PTCD2: variants seen among roughly 807,000 people sequenced by gnomAD.
The protein encoded by PTCD2 is pentatricopeptide repeat domain 2.
PTCD2 carries 31 observed loss-of-function variants against 42.6 expected under a neutral mutation model. The ratio of observed to expected loss-of-function variants is 0.73; its 90% CI spans 0.55 to 0.98. The LOEUF (loss-of-function observed/expected upper bound fraction) is 0.98, where lower values mean the gene tolerates loss of function less well. Ranked by LOEUF, PTCD2 falls within the 50% of genes least tolerant of loss-of-function variation. The pLI, the probability that PTCD2 is intolerant of heterozygous loss-of-function variation, is 0.00. For missense variants in PTCD2, 476 were observed against 454.8 expected (o/e 1.05, Z -0.42); for synonymous variants, 183 against 170.9 (o/e 1.07, Z -0.55).
intron 1 of PTCD2, 62 bp from the exon 2 acceptor site, chr5:72,322,110 G>T: frequency 1.2e-6 from 1 of 841,420 alleles, no homozygotes; most frequent in Non-Finnish European, 2.0e-6. Context: ...CTCTATTCAT[G>T]TTATTTGCTA....
At position 72,345,664 on chromosome 5, in the gene PTCD2, G is replaced by A. The variant is rs145510999; in HGVS notation, c.828+2628G>A. Among the ~76,000 whole-genome samples the A allele has an allele frequency of 6.8e-3, 1,042 of 152,292 alleles. 11 individuals carry two copies. The highest frequency in any genetic ancestry group is 0.027 in the East Asian group (140 of 5,186). ...TTCACAATTTATTTTCTTCTGCCAT[G>A]GCTTCAGCCAGTCCCTCCATTTGGG... On this transcript the variant is annotated intron_variant, in intron 8 of 9. Coordinates refer to ENST00000380639, the MANE Select transcript of PTCD2 (RefSeq NM_024754.5).
In PTCD2 at chr5:72,365,996, C is replaced by G. The variant is rs1045742466; in HGVS notation, c.*7569C>G. On this transcript the variant is annotated 3_prime_UTR_variant, in exon 10 of 10. Coordinates refer to ENST00000380639, the MANE Select transcript of PTCD2 (RefSeq NM_024754.5). ...AGGGAGGCCGAGGCAGGCAGATCAC[C>G]TGAGGTCAGGGGTTCTAGACCAGCC... 2.6e-5 allele frequency: 4 copies of G among 152,230 alleles called. No homozygotes were observed. Among genetic ancestry groups the G allele is most frequent in the African/African-American group, 9.7e-5 (4 of 41,436 alleles). 9.4% of individuals were successfully genotyped at this position (152,230 alleles called of 1,614,324 possible).
At position 72,322,272 on chromosome 5, in the gene PTCD2, A is replaced by G. The variant is rs1750903436; in HGVS notation, c.220+8A>G. On this transcript the variant is annotated splice_region_variant and intron_variant, in intron 2 of 9. Transcript: ENST00000380639. ...ATCTTTCTGGCACTAAAGGTAATAG[A>G]ATCTATTTTGTTAATTCTGTCATTT... The G allele has an allele frequency of 1.3e-6, 2 of 1,504,136 alleles. No individual in the cohort carries two copies. The highest frequency in any genetic ancestry group is 2.8e-5 in the African/African-American group (2 of 72,474). 93.2% of individuals were successfully genotyped at this position (1,504,136 alleles called of 1,614,324 possible). A position where few individuals can be genotyped will look rare whatever the true frequency, so the allele number is the denominator to read the frequency against.
chr5:72,342,536 GTC>G (rs2112189428), intron 7 of PTCD2, among the ~76,000 whole-genome samples: 1 of 152,298 alleles, frequency 6.6e-6, no homozygotes, highest in African/African-American at 2.4e-5. Flanking sequence ...ATAGAGCACT[GTC>G]TGCCTCTGAC....
chr5:72,322,705 G>A (rs1750924724), intron 2 of PTCD2, among the ~76,000 whole-genome samples: 2 of 152,154 alleles, frequency 1.3e-5, no homozygotes, highest in South Asian at 4.1e-4. Context: ...ATTTTATGTT[G>A]CATCTCAGTA....
intron 2 of PTCD2, among the ~76,000 whole-genome samples, chr5:72,324,461 G>A (rs1751032218): frequency 6.6e-6 from 1 of 152,130 alleles, no homozygotes; most frequent in African/African-American, 2.4e-5. Context: ...CTCCACACCT[G>A]TCATTCCCAG....
In PTCD2 at chr5:72,320,441, C is replaced by G; in HGVS notation, c.59C>G (p.Ala20Gly). The G allele has an allele frequency of 6.2e-7, 1 of 1,614,122 alleles. No homozygotes were observed. The change falls in exon 1 of 10, where the codon GCG becomes GGG. Residue 20 changes from alanine (A) to glycine (G), a missense_variant. Ala to Gly is a moderately conservative substitution (Grantham distance 60). Coordinates refer to ENST00000380639, the MANE Select transcript of PTCD2 (RefSeq NM_024754.5). ...CCCTCGAATCGAGTTCTCCTGCAGG[C>G]GCTGCAGATTTTGGTGTATCCTGGG... is the stretch of plus-strand genomic sequence containing the variant. ...FRPSNRVLLQ[A>G]LQILVYPGVG...
At chr5:72,334,404 G>T (rs1390168912) in intron 4 of PTCD2, among the ~76,000 whole-genome samples, 1 of 152,144 alleles carries the variant, frequency 6.6e-6, no homozygotes, top group Non-Finnish European at 1.5e-5. Flanking sequence ...ACTCTGCCAG[G>T]GTTAACTGGC....
At chr5:72,325,224 CTTAAGGT>C (rs1054452258) in intron 2 of PTCD2, among the ~76,000 whole-genome samples, 2 of 152,112 alleles carry the variant, frequency 1.3e-5, no homozygotes, top group Non-Finnish European at 2.9e-5. Flanking sequence ...CACCCGGCCT[CTTAAGGT>C]TTATTAAGGA....
chr5:72,326,162 C>T (rs1380137764), intron 2 of PTCD2, among the ~76,000 whole-genome samples: 1 of 152,200 alleles, frequency 6.6e-6, no homozygotes, highest in Admixed American at 6.5e-5. Flanking sequence ...ACCTTCAACT[C>T]ACATTTTCTT....
chr5:72,358,158 A>G, intron 9 of PTCD2, 45 bp from the exon 10 acceptor site: 1 of 1,497,042 alleles, frequency 6.7e-7, no homozygotes, highest in Non-Finnish European at 9.3e-7. Context: ...AGAATAAGGA[A>G]GAAATCTTGC....
chr5:72,358,555 A>C lies in PTCD2; in HGVS notation c.*128A>C, dbSNP rs1472624268. On this transcript the variant is annotated 3_prime_UTR_variant, in exon 10 of 10. Transcript: ENST00000380639. ...ACTTGGTCTTCTCCTGAAATTCCCA[A>C]ATTCACTGAATGGTACCATGCCGAT... is the stretch of plus-strand genomic sequence containing the variant. 2 of 675,374 alleles carry C rather than the reference A, an allele frequency of 3.0e-6. No individual in the cohort carries two copies. Among genetic ancestry groups the C allele is most frequent in the East Asian group, 5.4e-5 (2 of 36,994 alleles). 41.8% of individuals were successfully genotyped at this position (675,374 alleles called of 1,614,324 possible). A position where few individuals can be genotyped will look rare whatever the true frequency, so the allele number is the denominator to read the frequency against.
rs755094333 is a variant in PTCD2, at chr5:72,358,596, T to A, written c.*169T>A. ...CCATGCCGATCTCTGAGAAGTTATG[T>A]TGCACCACTGTGAAGGTCTAGATGC... On this transcript the variant is annotated 3_prime_UTR_variant, in exon 10 of 10. Transcript: ENST00000380639. 16 of 614,708 alleles carry A rather than the reference T, an allele frequency of 2.6e-5. No individual in the cohort carries two copies. The highest frequency in any genetic ancestry group is 4.3e-5 in the Non-Finnish European group (15 of 346,304). The allele number at this position is 614,708 out of a possible 1,614,324, so 38.1% of individuals were successfully genotyped here.
At chr5:72,338,508 G>C in intron 6 of PTCD2, 114 bp from the exon 7 acceptor site, 1 of 469,900 alleles carries the variant, frequency 2.1e-6, no homozygotes, top group Non-Finnish European at 3.8e-6. Flanking sequence ...TAAGTGGCTT[G>C]AGGGAGGCTC....
chr5:72,335,151 G>GA, intron 5 of PTCD2, 55 bp downstream of exon 5: 1 of 970,884 alleles, frequency 1.0e-6, no homozygotes. Flanking sequence ...GCTGGCATAG[G>GA]AACTAGGGGG....
rs759686083 is a variant in PTCD2, at chr5:72,326,710, CA to C, written c.320del (p.His107LeufsTer31). ...ACTACATTTGTGTGAGTCTCGGGAC[CA>C]TGTGGAACTGGCTAAAAATGTCATT... Reference protein sequence around the residue: ...TLLHLCESRDHVELAKNVIYR... With the variant: ...TLLHLCESRDXVELAKNVIYR... On this transcript the variant is annotated frameshift_variant, in exon 3 of 10. Coordinates refer to ENST00000380639, the MANE Select transcript of PTCD2 (RefSeq NM_024754.5). LOFTEE classifies it high-confidence loss of function. 1.9e-6 allele frequency: 3 copies of C among 1,613,960 alleles called. No individual in the cohort carries two copies. Among genetic ancestry groups the C allele is most frequent in the Non-Finnish European group, 2.5e-6 (3 of 1,179,960 alleles).
chr5:72,320,659 A>C (rs1750777324), intron 1 of PTCD2, 150 bp downstream of exon 1: 1 of 1,070,420 alleles, frequency 9.3e-7, no homozygotes, highest in Non-Finnish European at 1.4e-6. Context: ...ACGTGGGTGC[A>C]GTGGTGACCA....
chr5:72,340,000 G>T (rs563342835), intron 7 of PTCD2, among the ~76,000 whole-genome samples: 1 of 152,084 alleles, frequency 6.6e-6, no homozygotes, highest in South Asian at 2.1e-4. Context: ...CTTATATACT[G>T]CATAAATTTC....
intron 8 of PTCD2, among the ~76,000 whole-genome samples, chr5:72,344,469 C>T (rs796444009): frequency 2.0e-5 from 3 of 152,000 alleles, no homozygotes; most frequent in Admixed American, 1.3e-4. Context: ...GCCAAAATTG[C>T]GCCACTACAC....
Sources: gnomAD v4.1 joint callset for allele counts (sites outside exome capture counted in the v4.1 genomes callset) on GRCh38, gnomAD v4.1.1 for gene constraint, MANE v1.5 for transcripts, NCBI Gene and HGNC (gene_info 2026-07-23, HGNC 2026-07-21) for gene names.